Variants in ZNF438 observed in about 807,000 individuals in gnomAD.
The protein encoded by ZNF438 is zinc finger protein 438.
ZNF438 carries 25 observed loss-of-function variants against 38.0 expected under a neutral mutation model. That is an observed-to-expected ratio of 0.66 (90% CI 0.48 to 0.92). The LOEUF (loss-of-function observed/expected upper bound fraction) is 0.92, where lower values mean the gene tolerates loss of function less well. Ranked by LOEUF, ZNF438 falls within the 40% of genes least tolerant of loss-of-function variation. ZNF438 has a pLI of 0.00. For missense variants in ZNF438, 1,007 were observed against 999.6 expected, an observed-to-expected ratio of 1.01 and a Z score of -0.10; for synonymous variants, 372 against 364.1, an observed-to-expected ratio of 1.02 and a Z score of -0.25.
intron 1 of ZNF438, among the ~76,000 whole-genome samples, chr10:30,981,678 C>A (rs1470773932): frequency 2.6e-5 from 4 of 152,088 alleles, no homozygotes; most frequent in Admixed American, 2.6e-4. Context: ...GAGTTCGAGA[C>A]CAGCCTGACC....
At chr10:31,009,337 T>C (rs1010935848) in intron 1 of ZNF438, among the ~76,000 whole-genome samples, 2 of 152,216 alleles carry the variant, frequency 1.3e-5, no homozygotes, top group Admixed American at 1.3e-4. Flanking sequence ...CGTACAGCTG[T>C]GCCTCTGCTT....
At chr10:31,016,579 C>T (rs996061789) in intron 1 of ZNF438, among the ~76,000 whole-genome samples, 1 of 152,182 alleles carries the variant, frequency 6.6e-6, no homozygotes, top group Non-Finnish European at 1.5e-5. Context: ...GACTAAGATT[C>T]CTCCTGTTTT....
intron 2 of ZNF438, among the ~76,000 whole-genome samples, chr10:30,931,156 GA>G (rs2045649927): frequency 6.6e-6 from 1 of 152,160 alleles, no homozygotes; most frequent in African/African-American, 2.4e-5. Flanking sequence ...CATTTGGTGT[GA>G]CAGGTTCTCT....
intron 4 of ZNF438, among the ~76,000 whole-genome samples, chr10:30,874,828 ATT>A (rs1395730227): frequency 6.6e-6 from 1 of 150,786 alleles, no homozygotes; most frequent in African/African-American, 2.4e-5. Context: ...ATAAATATAT[ATT>A]CTCTATAATT....
At chr10:30,965,085 C>T (rs1332970173) in intron 1 of ZNF438, among the ~76,000 whole-genome samples, 1 of 151,998 alleles carries the variant, frequency 6.6e-6, no homozygotes, top group Non-Finnish European at 1.5e-5. Context: ...GGAACTTAAG[C>T]AATTCAACAA....
chr10:30,997,442 G>T (rs969640154), intron 1 of ZNF438, among the ~76,000 whole-genome samples: 1 of 152,100 alleles, frequency 6.6e-6, no homozygotes, highest in Non-Finnish European at 1.5e-5. Flanking sequence ...AACGCAAAAA[G>T]AAATTATTAA....
At chr10:30,891,289 C>G (rs2040658658) in intron 3 of ZNF438, among the ~76,000 whole-genome samples, 1 of 152,098 alleles carries the variant, frequency 6.6e-6, no homozygotes, top group Non-Finnish European at 1.5e-5. Context: ...TTATGCTTTT[C>G]TCCTCTTTAT....
chr10:30,864,633 C>G (rs1006849181), intron 4 of ZNF438, among the ~76,000 whole-genome samples: 1 of 152,134 alleles, frequency 6.6e-6, no homozygotes, highest in African/African-American at 2.4e-5. Context: ...ACTGAAGGAA[C>G]GAACTATTAA....
In ZNF438 at chr10:30,844,842, T is replaced by C. The variant is rs8586; in HGVS notation, c.*119A>G. 1.0e-3 allele frequency: 1,251 copies of C among 1,252,218 alleles called. 8 individuals are homozygous for C. The African/African-American group carries it at 0.016, about 16-fold the overall frequency. The allele number at this position is 1,252,218 out of a possible 1,614,324, so 77.6% of individuals were successfully genotyped here. The stretch of plus-strand genomic sequence containing the variant: ...TAAAACCATGTACAAAAATCATTTC[T>C]GTTCACTCACACCAATCCTGTTGTT... On this transcript the variant is annotated 3_prime_UTR_variant, in exon 6 of 6. Transcript: ENST00000413025.
intron 4 of ZNF438, among the ~76,000 whole-genome samples, chr10:30,856,357 A>T (rs1256006483): frequency 1.3e-5 from 2 of 152,234 alleles, no homozygotes; most frequent in Non-Finnish European, 2.9e-5. Flanking sequence ...CAGTTATGCT[A>T]GAATAACTCG....
intron 1 of ZNF438, among the ~76,000 whole-genome samples, chr10:31,001,916 C>T (rs2994648): frequency 0.12 from 18,834 of 152,194 alleles, 1,500 homozygotes; most frequent in Middle Eastern, 0.24. Flanking sequence ...AATACAGTGC[C>T]GAATGCAAAT....
chr10:30,893,804 T>C lies in ZNF438; in HGVS notation c.-32+15129A>G, dbSNP rs1006558383. Among the ~76,000 whole-genome samples, 5 of 152,228 alleles carry C rather than the reference T, an allele frequency of 3.3e-5. No individual in the cohort carries two copies. In the East Asian group the frequency reaches 7.7e-4, roughly 23 times the overall value. On this transcript the variant is annotated intron_variant, in intron 3 of 5. Transcript: ENST00000413025. ...AACTATAAACAGGCTATAAAGGTCATGACATTAATTTTGCTGTCATTATCA... is the reference window on the plus strand; with the variant it reads ...AACTATAAACAGGCTATAAAGGTCACGACATTAATTTTGCTGTCATTATCA...
intron 2 of ZNF438, among the ~76,000 whole-genome samples, chr10:30,930,398 C>T (rs2045515641): frequency 6.6e-6 from 1 of 152,058 alleles, no homozygotes; most frequent in African/African-American, 2.4e-5. Flanking sequence ...CAGTGCGCAG[C>T]CCCGGTTCCC....
chr10:30,966,114 T>C (rs1407423278), intron 1 of ZNF438, among the ~76,000 whole-genome samples: 1 of 152,124 alleles, frequency 6.6e-6, no homozygotes, highest in Non-Finnish European at 1.5e-5. Flanking sequence ...GGAGGATCAC[T>C]TGAGAACAGG....
At chr10:30,940,873 A>C (rs1024886558) in intron 2 of ZNF438, among the ~76,000 whole-genome samples, 5 of 152,262 alleles carry the variant, frequency 3.3e-5, no homozygotes, top group Admixed American at 1.3e-4. Context: ...ATTTCTTTAA[A>C]TAAGAACATA....
chr10:30,976,484 G>A (rs2051363796), intron 1 of ZNF438, among the ~76,000 whole-genome samples: 1 of 152,192 alleles, frequency 6.6e-6, no homozygotes, highest in Non-Finnish European at 1.5e-5. Flanking sequence ...GCACACACCT[G>A]TAATCCCAGC....
chr10:31,000,609 G>A (rs1396140616), intron 1 of ZNF438, among the ~76,000 whole-genome samples: 1 of 152,012 alleles, frequency 6.6e-6, no homozygotes. Flanking sequence ...CCTCATTCCT[G>A]TAGCCCACTG....
chr10:30,856,561 T>C (rs533903553), intron 4 of ZNF438, among the ~76,000 whole-genome samples: 10 of 152,280 alleles, frequency 6.6e-5, no homozygotes, highest in African/African-American at 2.2e-4. Flanking sequence ...TCACAGATGG[T>C]GTGATCTAAA....
intron 1 of ZNF438, among the ~76,000 whole-genome samples, chr10:30,988,018 GCATCT>G (rs1312254711): frequency 6.6e-6 from 1 of 152,110 alleles, no homozygotes; most frequent in Non-Finnish European, 1.5e-5. Flanking sequence ...CAATTTAGCA[GCATCT>G]AAATTTGGTT....
Sources: allele counts gnomAD v4.1 joint callset (sites outside exome capture counted in the v4.1 genomes callset), GRCh38; gene constraint gnomAD v4.1.1; transcripts MANE v1.5; gene names NCBI Gene and HGNC (gene_info 2026-07-23, HGNC 2026-07-21).